The following DCTN3 variants were observed in gnomAD, a reference collection of about 807,000 sequenced individuals.
DCTN3 encodes dynactin subunit 3.
A neutral mutation model predicts 28.4 loss-of-function variants in DCTN3; 25 were observed. That is an observed-to-expected ratio of 0.88 (90% CI 0.64 to 1.23). The LOEUF (loss-of-function observed/expected upper bound fraction) is 1.23. Ranked by LOEUF, DCTN3 falls within the 50% of genes most tolerant of loss-of-function variation. DCTN3 has a pLI of 0.00. For synonymous variants in DCTN3, 81 were observed against 91.4 expected, an observed-to-expected ratio of 0.89 and a Z score of 0.65; for missense variants, 229 against 232.0, an observed-to-expected ratio of 0.99 and a Z score of 0.08.
chr9:34,617,243 G>A (rs1312079378), intron 3 of DCTN3, among the ~76,000 whole-genome samples: 1 of 152,166 alleles, frequency 6.6e-6, no homozygotes, highest in African/African-American at 2.4e-5. Flanking sequence ...TATAAGCTCA[G>A]GTCCCTGAAG....
intron 1 of DCTN3, 83 bp from the exon 2 acceptor site, chr9:34,618,843 A>G: frequency 9.1e-7 from 1 of 1,096,032 alleles, no homozygotes; most frequent in Non-Finnish European, 1.4e-6. Flanking sequence ...ATTCTCCCAG[A>G]CTCTCAAACC....
At chr9:34,614,832 C>T in intron 4 of DCTN3, 64 bp from the exon 5 acceptor site, 1 of 1,586,074 alleles carries the variant, frequency 6.3e-7, no homozygotes, top group Non-Finnish European at 8.6e-7. Context: ...GCTCAATAGT[C>T]TATTAGGTCT....
At chr9:34,620,193 AG>A (rs1820521210) in intron 1 of DCTN3, among the ~76,000 whole-genome samples, 175 bp downstream of exon 1, 1 of 152,152 alleles carries the variant, frequency 6.6e-6, no homozygotes, top group Admixed American at 6.5e-5. Context: ...CCACCCGCAG[AG>A]CCCCCTATGA....
chr9:34,619,722 T>C (rs899394489), intron 1 of DCTN3, among the ~76,000 whole-genome samples: 2 of 152,228 alleles, frequency 1.3e-5, no homozygotes, highest in African/African-American at 4.8e-5. Context: ...ATCATTACCT[T>C]GGACGCACTT....
At chr9:34,617,999 A>G in intron 2 of DCTN3, 28 bp from the exon 3 acceptor site, 1 of 1,607,666 alleles carries the variant, frequency 6.2e-7, no homozygotes, top group African/African-American at 1.3e-5. Context: ...TGGAAAATGG[A>G]ATAGGGTTGG....
In DCTN3 at chr9:34,618,864, T is replaced by C. The variant is rs1820486349; in HGVS notation, c.97-104A>G. On this transcript the variant is annotated intron_variant, in intron 1 of 6. Transcript: ENST00000259632. ...CCAGACTCTCAAACCTGAATCCCAGTAATCTAGGTTGGCCTCCCTTCTCTA... is the reference window on the plus strand; with the variant it reads ...CCAGACTCTCAAACCTGAATCCCAGCAATCTAGGTTGGCCTCCCTTCTCTA... 7 of 883,034 alleles carry C rather than the reference T, an allele frequency of 7.9e-6. 1 individual carries two copies. Among genetic ancestry groups the C allele is most frequent in the South Asian group, 6.9e-5 (5 of 72,486 alleles). The allele number at this position is 883,034 out of a possible 1,614,324, so 54.7% of individuals were successfully genotyped here.
In DCTN3 at chr9:34,620,409, C is replaced by G; in HGVS notation, c.56G>C (p.Arg19Pro). 1 of 1,575,634 alleles carries G rather than the reference C, an allele frequency of 6.3e-7. No homozygotes were observed. The highest frequency in any genetic ancestry group is 2.3e-5 in the East Asian group (1 of 42,556). Reference sequence around the variant, plus strand: ...CGCCCCGCCCGGCCCGTACACCCAGCGCTCCAGCTCTTCCACTCGGGCCTG... The same window carrying G: ...CGCCCCGCCCGGCCCGTACACCCAGGGCTCCAGCTCTTCCACTCGGGCCTG... The part of the protein sequence containing the change: ...RLQARVEELE[R>P]WVYGPGGARG... Residue 19 changes from arginine to proline, a missense_variant, in exon 1 of 7, where the codon CGC becomes CCC. Arg to Pro is a moderately radical substitution (Grantham distance 103). Coordinates refer to ENST00000259632, the MANE Select transcript of DCTN3 (RefSeq NM_007234.5).
At chr9:34,617,430 T>C (rs977789140) in intron 3 of DCTN3, among the ~76,000 whole-genome samples, 1 of 152,238 alleles carries the variant, frequency 6.6e-6, no homozygotes, top group Admixed American at 6.5e-5. Flanking sequence ...GCTGACTGAT[T>C]AGCAGACATT....
rs1802447 is a variant in DCTN3, at chr9:34,613,806, C to T, written c.537G>A (p.Thr179=). ...ATCACTCCTCTGCTGGCTTCACTTG[C>T]GTGGCGGCCTCTAGCTGGCAAAGTA... ...DELLCQLEAA[T]QVKPAEE The change falls in exon 7 of 7, where the codon ACG becomes ACA. Residue 179 remains threonine, a synonymous_variant. Transcript: ENST00000259632. 193 of 1,614,028 alleles carry T rather than the reference C, an allele frequency of 1.2e-4. 1 individual carries two copies. In the Admixed American group the frequency reaches 1.5e-3, roughly 13 times the overall value.
chr9:34,617,705 T>C (rs1355074245), intron 3 of DCTN3, 180 bp downstream of exon 3: 3 of 1,499,688 alleles, frequency 2.0e-6, no homozygotes, highest in Admixed American at 2.0e-5. Flanking sequence ...AGAGGTATAC[T>C]GTACTCAATG....
At position 34,616,029 on chromosome 9, in the gene DCTN3, C is replaced by T; in HGVS notation, c.352+1G>A. ...GTGAAGCTATAACCCCAGAGAGATA[C>T]CTTTGATGTGAGCACTGTCCAGCAT... On this transcript the variant is annotated splice_donor_variant, in intron 4 of 6. Coordinates refer to ENST00000259632, the MANE Select transcript of DCTN3 (RefSeq NM_007234.5). LOFTEE classifies it high-confidence loss of function. This position sits in a 1 kb window ranked among gnomAD's most constrained non-coding sequence, Gnocchi z 4.7. 1 of 1,613,510 alleles carries T rather than the reference C, an allele frequency of 6.2e-7. No homozygotes were observed. Among genetic ancestry groups the T allele is most frequent in the Non-Finnish European group, 8.5e-7 (1 of 1,179,492 alleles).
intron 5 of DCTN3, 144 bp from the exon 6 acceptor site, chr9:34,614,245 A>G (rs1820370479): frequency 6.4e-7 from 1 of 1,557,238 alleles, no homozygotes; most frequent in African/African-American, 1.4e-5. Flanking sequence ...GCAAATGGCT[A>G]TGGGAGCACT....
chr9:34,618,530 G>A, intron 2 of DCTN3, 146 bp downstream of exon 2: 1 of 672,176 alleles, frequency 1.5e-6, no homozygotes, highest in South Asian at 1.7e-5. Context: ...TTTACCAATT[G>A]AATTGGGTGT....
chr9:34,617,522 T>C (rs1820449502), intron 3 of DCTN3: 1 of 640,816 alleles, frequency 1.6e-6, no homozygotes, highest in Non-Finnish European at 2.3e-6. Context: ...CTCATGCCAA[T>C]ACTCTCTCTG....
Position 34,613,787 on chromosome 9 carries a change from C to A in DCTN3, c.556G>T (p.Glu186Ter), listed in dbSNP as rs769628014. ...TTTGGGATGGGGAGCAGCTATCACT[C>A]CTCTGCTGGCTTCACTTGCGTGGCG... ...EAATQVKPAE[E>*] The change falls in exon 7 of 7, where the codon GAG (glutamate) becomes TAG (stop). Residue 186 changes from glutamate (E) to a stop codon, truncating the protein, a stop_gained. Coordinates refer to ENST00000259632, the MANE Select transcript of DCTN3 (RefSeq NM_007234.5). LOFTEE classifies it high-confidence loss of function. 6.2e-7 allele frequency: 1 copy of A among 1,613,904 alleles called. No individual in the cohort carries two copies. Among genetic ancestry groups the A allele is most frequent in the Non-Finnish European group, 8.5e-7 (1 of 1,179,898 alleles).
At chr9:34,614,011 C>A in intron 6 of DCTN3, 31 bp downstream of exon 6, 1 of 1,604,594 alleles carries the variant, frequency 6.2e-7, no homozygotes, top group Non-Finnish European at 8.5e-7. Context: ...GGACAGCACC[C>A]ATTAGGGTCC....
In DCTN3 at chr9:34,616,846, A is replaced by T. The variant is rs964125929; in HGVS notation, c.269-733T>A. The T allele has an allele frequency of 1.3e-5, 2 of 152,286 alleles. No homozygotes were observed. Among genetic ancestry groups the T allele is most frequent in the Admixed American group, 6.5e-5 (1 of 15,284 alleles). 9.4% of individuals were successfully genotyped at this position (152,286 alleles called of 1,614,324 possible). On this transcript the variant is annotated intron_variant, in intron 3 of 6. Coordinates refer to ENST00000259632, the MANE Select transcript of DCTN3 (RefSeq NM_007234.5). The surrounding 1 kb of genome is among the most constrained non-coding windows in gnomAD (Gnocchi z 4.7). ...GCTTTGAATGGCAGACTATGGAATT[A>T]GGACTTTATCCTAGCAAGGCAGGAT...
rs759636426 is a variant in DCTN3, at chr9:34,614,752, A to C, written c.369T>G (p.Ala123=). Residue 123 remains alanine (A), a synonymous_variant, in exon 5 of 7, where the codon GCT becomes GCG. Coordinates refer to ENST00000259632, the MANE Select transcript of DCTN3 (RefSeq NM_007234.5). The part of the protein sequence containing the change: ...SAHIKAVPEH[A]ARLQRLAQIH... ...TCTGGGCCAAGCGCTGCAGGCGGGCAGCATGCTCAGGAACGGCTGTAAAAC... is the reference window on the plus strand; with the variant it reads ...TCTGGGCCAAGCGCTGCAGGCGGGCCGCATGCTCAGGAACGGCTGTAAAAC... 13 of 1,613,904 alleles carry C rather than the reference A, an allele frequency of 8.1e-6. No individual in the cohort carries two copies. Among genetic ancestry groups the C allele is most frequent in the Admixed American group, 1.7e-5 (1 of 60,008 alleles).
chr9:34,617,845 C>A (rs1224336232), intron 3 of DCTN3, 40 bp downstream of exon 3: 1 of 1,612,178 alleles, frequency 6.2e-7, no homozygotes, highest in East Asian at 2.2e-5. Context: ...CCCGACGACC[C>A]ACATCCTCAG....
Sources: allele counts gnomAD v4.1 joint callset (sites outside exome capture counted in the v4.1 genomes callset), GRCh38; gene constraint gnomAD v4.1.1; non-coding constraint Gnocchi (gnomAD v3.1); transcripts MANE v1.5; gene names NCBI Gene and HGNC (gene_info 2026-07-23, HGNC 2026-07-21).